Variants in CPE observed in about 807,000 individuals in gnomAD.
CPE encodes the protein carbocypeptidase E.
A neutral mutation model predicts 53.5 loss-of-function variants in CPE; 17 were observed. The observed-to-expected ratio is 0.32, with a 90% confidence interval of 0.22 to 0.48. The LOEUF (loss-of-function observed/expected upper bound fraction) is 0.48. CPE is among the 20% of genes least tolerant of loss of function. The probability of loss-of-function intolerance (pLI) is 0.99; values close to 1 mark genes in which losing one functional copy is unlikely to be tolerated. For missense variants in CPE, 524 were observed against 614.7 expected, an observed-to-expected ratio of 0.85 and a Z score of 1.56; for synonymous variants, 226 against 228.8, an observed-to-expected ratio of 0.99 and a Z score of 0.11.
chr4:165,390,778 A>G (rs535641994), intron 1 of CPE, among the ~76,000 whole-genome samples: 5 of 152,266 alleles, frequency 3.3e-5, no homozygotes, highest in South Asian at 4.1e-4. Flanking sequence ...CTAGTTAACT[A>G]TGGAGTGAAC....
intron 1 of CPE, among the ~76,000 whole-genome samples, chr4:165,406,879 T>A (rs977564757): frequency 2.6e-5 from 4 of 152,270 alleles, no homozygotes; most frequent in Non-Finnish European, 1.5e-5. Context: ...TGGTCTTTTG[T>A]GGCCGACTCC....
chr4:165,445,601 G>A (rs934372846), intron 1 of CPE, among the ~76,000 whole-genome samples: 4 of 152,020 alleles, frequency 2.6e-5, no homozygotes, highest in African/African-American at 9.7e-5. Context: ...AACAAAAAAG[G>A]TGCAACTCCC....
At chr4:165,383,381 A>T (rs534303137) in intron 1 of CPE, among the ~76,000 whole-genome samples, 1 of 152,348 alleles carries the variant, frequency 6.6e-6, no homozygotes, top group South Asian at 2.1e-4. Flanking sequence ...GAAATACAGT[A>T]CTCATAAAAG....
At position 165,404,330 on chromosome 4, in the gene CPE, C is replaced by T. The variant is rs763873043; in HGVS notation, c.307+24802C>T. 4.3e-4 allele frequency: 334 copies of T among 771,692 alleles called. 1 individual carries two copies. The highest frequency in any genetic ancestry group is 6.5e-4 in the Non-Finnish European group (268 of 413,360). 47.8% of individuals were successfully genotyped at this position (771,692 alleles called of 1,614,324 possible). A position where few individuals can be genotyped will look rare whatever the true frequency, so the allele number is the denominator to read the frequency against. ...CTCATTCACAAATCTTGTCAGCAGGCGGAACTGGATGTCTTCATCTGAGGA... is the reference window on the plus strand; with the variant it reads ...CTCATTCACAAATCTTGTCAGCAGGTGGAACTGGATGTCTTCATCTGAGGA... On this transcript the variant is annotated intron_variant, in intron 1 of 8. Coordinates refer to ENST00000402744, the MANE Select transcript of CPE (RefSeq NM_001873.4).
intron 1 of CPE, chr4:165,404,174 T>C: frequency 1.3e-6 from 1 of 761,034 alleles, no homozygotes; most frequent in Non-Finnish European, 2.5e-6. Flanking sequence ...GTCCACTATC[T>C]TCTGGGCTTC....
At chr4:165,405,179 G>C (rs767145984) in intron 1 of CPE, 2 of 776,164 alleles carry the variant, frequency 2.6e-6, no homozygotes, top group Non-Finnish European at 4.8e-6. Context: ...GCCTAACCCA[G>C]TGAGTGTGGC....
intron 1 of CPE, among the ~76,000 whole-genome samples, chr4:165,450,417 T>A (rs1224126186): frequency 6.6e-6 from 1 of 152,132 alleles, no homozygotes; most frequent in Admixed American, 6.5e-5. Context: ...TAGCAGAAGA[T>A]GGATGAGATT....
intron 1 of CPE, among the ~76,000 whole-genome samples, chr4:165,449,384 C>T (rs1481472926): frequency 4.6e-5 from 7 of 152,124 alleles, no homozygotes; most frequent in African/African-American, 1.2e-4. Context: ...TCTTGAATCC[C>T]GGTTTATTTT....
At chr4:165,439,114 T>C (rs1190923312) in intron 1 of CPE, among the ~76,000 whole-genome samples, 1 of 152,220 alleles carries the variant, frequency 6.6e-6, no homozygotes, top group Non-Finnish European at 1.5e-5. Flanking sequence ...TGAGAAACAC[T>C]TCATTTGCCT....
At chr4:165,489,054 A>C (rs937609882) in intron 6 of CPE, among the ~76,000 whole-genome samples, 1 of 152,210 alleles carries the variant, frequency 6.6e-6, no homozygotes, top group East Asian at 1.9e-4. Context: ...GGTATTTTCC[A>C]ACAACAAAAA....
intron 1 of CPE, among the ~76,000 whole-genome samples, chr4:165,427,091 G>C (rs919034159): frequency 6.6e-6 from 1 of 152,168 alleles, no homozygotes; most frequent in African/African-American, 2.4e-5. Context: ...CCTTTACTGT[G>C]CATGTGTTAG....
At chr4:165,439,776 C>T (rs1460792731) in intron 1 of CPE, among the ~76,000 whole-genome samples, 2 of 152,026 alleles carry the variant, frequency 1.3e-5, no homozygotes, top group Non-Finnish European at 2.9e-5. Context: ...ATAGGGGCAG[C>T]AGACTGATTG....
At chr4:165,401,447 C>T (rs529704999) in intron 1 of CPE, among the ~76,000 whole-genome samples, 4 of 152,150 alleles carry the variant, frequency 2.6e-5, no homozygotes, top group African/African-American at 4.8e-5. Context: ...CCAGGTCTGC[C>T]GTTTAATAGC....
intron 1 of CPE, among the ~76,000 whole-genome samples, chr4:165,403,245 G>A (rs969990847): frequency 1.3e-5 from 2 of 152,158 alleles, no homozygotes; most frequent in African/African-American, 4.8e-5. Flanking sequence ...GTATCATAAA[G>A]GAAACCATCA....
rs1730938937 is a variant in CPE, at chr4:165,405,520, G to A, written c.307+25992G>A. On this transcript the variant is annotated intron_variant, in intron 1 of 8. Coordinates refer to ENST00000402744, the MANE Select transcript of CPE (RefSeq NM_001873.4). ...TTCACACTTTTTCTTCCACTTTTTT[G>A]TAAATCTGTTGCCTGACAAATGGAA... 4 of 947,084 alleles carry A rather than the reference G, an allele frequency of 4.2e-6. No individual in the cohort carries two copies. The African/African-American group carries it at 4.8e-5, about 11-fold the overall frequency. The allele number at this position is 947,084 out of a possible 1,614,324, so 58.7% of individuals were successfully genotyped here.
chr4:165,443,871 C>A (rs1229230632), intron 1 of CPE, among the ~76,000 whole-genome samples: 1 of 152,054 alleles, frequency 6.6e-6, no homozygotes, highest in Non-Finnish European at 1.5e-5. Context: ...TGGCTGAATC[C>A]TTATGAATGG....
chr4:165,484,445 T>G lies in CPE; in HGVS notation c.814T>G (p.Ser272Ala). Reference protein sequence around the residue: ...RSGSAHEYSSSPDDAIFQSLA... With the variant: ...RSGSAHEYSSAPDDAIFQSLA... ...AGGTAGTGCTCACGAATACAGCTCC[T>G]CCCCAGATGACGCCATTTTCCAAAG... Residue 272 changes from serine to alanine, a missense_variant, in exon 5 of 9, where the codon TCC (serine) becomes GCC (alanine). Physicochemically the swap from Ser to Ala is moderately conservative, Grantham distance 99. Transcript: ENST00000402744. 1 of 1,613,998 alleles carries G rather than the reference T, an allele frequency of 6.2e-7. No homozygotes were observed. Among genetic ancestry groups the G allele is most frequent in the Non-Finnish European group, 8.5e-7 (1 of 1,179,924 alleles).
intron 1 of CPE, among the ~76,000 whole-genome samples, chr4:165,445,894 CT>C (rs143581859): frequency 0.041 from 6,241 of 151,982 alleles, 209 homozygotes; most frequent in East Asian, 0.15. Context: ...AGCAAAACAG[CT>C]TGATATGAAG....
At chr4:165,415,982 C>T (rs1731116036) in intron 1 of CPE, among the ~76,000 whole-genome samples, 2 of 152,038 alleles carry the variant, frequency 1.3e-5, no homozygotes, top group Admixed American at 6.5e-5. Flanking sequence ...AATATAAAAC[C>T]GGGAATTAGA....
Sources: gnomAD v4.1 joint callset for allele counts (sites outside exome capture counted in the v4.1 genomes callset) on GRCh38, gnomAD v4.1.1 for gene constraint, MANE v1.5 for transcripts, NCBI Gene and HGNC (gene_info 2026-07-23, HGNC 2026-07-21) for gene names.